PID1: variants seen among roughly 807,000 people sequenced by gnomAD.
The protein encoded by PID1 is PTB-containing, cubilin and LRP1-interacting protein.
PID1 carries 10 observed loss-of-function variants against 19.1 expected under a neutral mutation model. The observed-to-expected ratio is 0.52, with a 90% CI of 0.32 to 0.89. The LOEUF (loss-of-function observed/expected upper bound fraction) is 0.89. PID1 is among the 40% of genes least tolerant of loss of function. The pLI is 0.03. For missense variants in PID1, 248 were observed against 285.3 expected (o/e 0.87, Z 0.94); for synonymous variants, 130 against 116.0 (o/e 1.12, Z -0.78).
At chr2:229,046,471 C>T (rs1434139096) in intron 2 of PID1, among the ~76,000 whole-genome samples, 1 of 151,360 alleles carries the variant, frequency 6.6e-6, no homozygotes, top group African/African-American at 2.4e-5. Context: ...AACAGCTCTT[C>T]TTTTTGGAGA....
In PID1 at chr2:229,271,261, G is replaced by T; in HGVS notation, c.-218C>A. ...TTGTGGGCACGGCCGCGCGCCGGCT[G>T]TCCTGGCGCAGCTGCGAGAGGACTG... On this transcript the variant is annotated 5_prime_UTR_variant, in exon 1 of 3. Coordinates refer to ENST00000392055, the MANE Select transcript of PID1 (RefSeq NM_001100818.2). 2.4e-6 allele frequency: 1 copy of T among 411,812 alleles called. No individual in the cohort carries two copies. Among genetic ancestry groups the T allele is most frequent in the South Asian group, 3.7e-5 (1 of 27,316 alleles). The allele number at this position is 411,812 out of a possible 1,614,324, so 25.5% of individuals were successfully genotyped here.
chr2:229,253,402 A>G (rs938855374), intron 1 of PID1, among the ~76,000 whole-genome samples: 5 of 152,142 alleles, frequency 3.3e-5, no homozygotes, highest in East Asian at 1.9e-4. Flanking sequence ...CAAGTTATAA[A>G]AATCTTAAGA....
At chr2:229,120,009 C>T (rs914582926) in intron 2 of PID1, among the ~76,000 whole-genome samples, 2 of 152,188 alleles carry the variant, frequency 1.3e-5, no homozygotes, top group African/African-American at 4.8e-5. Context: ...GCTCCCAGAC[C>T]TACAAACTAC....
At chr2:229,058,593 G>A (rs1417284528) in intron 2 of PID1, among the ~76,000 whole-genome samples, 1 of 152,112 alleles carries the variant, frequency 6.6e-6, no homozygotes, top group Non-Finnish European at 1.5e-5. Context: ...TGAAACTACA[G>A]CTCTTGGCCA....
chr2:229,255,050 T>C (rs1240957442), intron 1 of PID1, among the ~76,000 whole-genome samples: 1 of 152,176 alleles, frequency 6.6e-6, no homozygotes, highest in Non-Finnish European at 1.5e-5. Context: ...TTTCAAATAG[T>C]TATCAATAGA....
intron 2 of PID1, among the ~76,000 whole-genome samples, chr2:229,142,800 G>T (rs1235235509): frequency 6.6e-6 from 1 of 152,066 alleles, no homozygotes; most frequent in Non-Finnish European, 1.5e-5. Flanking sequence ...ATTCCTCAGG[G>T]ATCTAGAACT....
intron 1 of PID1, among the ~76,000 whole-genome samples, chr2:229,179,466 C>T (rs1368826729): frequency 3.3e-5 from 5 of 151,734 alleles, no homozygotes; most frequent in African/African-American, 1.2e-4. Flanking sequence ...AACAGGAACA[C>T]CAAAAAGAAA....
intron 2 of PID1, among the ~76,000 whole-genome samples, chr2:229,047,451 C>T (rs1204059200): frequency 6.6e-6 from 1 of 152,000 alleles, no homozygotes; most frequent in African/African-American, 2.4e-5. Context: ...AAGTAATGAT[C>T]TAATTAGAAA....
chr2:229,119,468 T>C (rs1695474921), intron 2 of PID1, among the ~76,000 whole-genome samples: 1 of 152,222 alleles, frequency 6.6e-6, no homozygotes, highest in South Asian at 2.1e-4. Flanking sequence ...ATAATTCAAA[T>C]GCTTTACCTC....
chr2:229,231,878 C>T, intron 1 of PID1: 4 of 1,549,014 alleles, frequency 2.6e-6, no homozygotes, highest in East Asian at 2.4e-5. Context: ...TAACGAAATA[C>T]CACAGAGTAG....
At chr2:229,151,870 A>C (rs1210778165) in intron 2 of PID1, among the ~76,000 whole-genome samples, 1 of 151,274 alleles carries the variant, frequency 6.6e-6, no homozygotes, top group Non-Finnish European at 1.5e-5. Flanking sequence ...GCGCCCAGCT[A>C]TTTTTTTTTA....
At chr2:229,129,287 G>A (rs1010030191) in intron 2 of PID1, among the ~76,000 whole-genome samples, 13 of 152,036 alleles carry the variant, frequency 8.6e-5, no homozygotes, top group South Asian at 4.2e-4. Flanking sequence ...GGTGGCGGGC[G>A]CCTGTAGTCC....
intron 2 of PID1, among the ~76,000 whole-genome samples, chr2:229,093,975 G>A (rs1328360776): frequency 2.0e-5 from 3 of 152,070 alleles, no homozygotes; most frequent in African/African-American, 7.2e-5. Flanking sequence ...GCCAGAGAAA[G>A]AAATAAAAGG....
chr2:229,039,450 G>C (rs913545542), intron 2 of PID1, among the ~76,000 whole-genome samples: 1 of 152,156 alleles, frequency 6.6e-6, no homozygotes, highest in Admixed American at 6.6e-5. Flanking sequence ...ACATCTAAAA[G>C]AGCCATGTAG....
intron 2 of PID1, among the ~76,000 whole-genome samples, chr2:229,125,266 T>C (rs1574648578): frequency 6.6e-6 from 1 of 152,174 alleles, no homozygotes; most frequent in South Asian, 2.1e-4. Context: ...GGTCTCAGAG[T>C]AGAAATGACA....
At chr2:229,169,682 C>T (rs1054615703) in intron 1 of PID1, among the ~76,000 whole-genome samples, 3 of 152,160 alleles carry the variant, frequency 2.0e-5, no homozygotes, top group African/African-American at 4.8e-5. Flanking sequence ...TGAATACTGA[C>T]TATCTGGTTG....
intron 1 of PID1, among the ~76,000 whole-genome samples, chr2:229,156,673 G>T (rs888402528): frequency 6.6e-6 from 1 of 152,084 alleles, no homozygotes; most frequent in Non-Finnish European, 1.5e-5. Flanking sequence ...CCTATACAGA[G>T]AATTGCCCCA....
At chr2:229,026,201 T>C (rs1257918031) in intron 2 of PID1, 93 bp from the exon 3 acceptor site, 2 of 829,964 alleles carry the variant, frequency 2.4e-6, no homozygotes, top group Admixed American at 2.1e-5. Context: ...ACAGTCATGG[T>C]GTCACATTGG....
intron 2 of PID1, among the ~76,000 whole-genome samples, chr2:229,131,926 T>C (rs1022114060): frequency 6.6e-6 from 1 of 152,194 alleles, no homozygotes; most frequent in African/African-American, 2.4e-5. Flanking sequence ...TCTAGTACTA[T>C]CATCCTTCTG....
Sources: allele counts gnomAD v4.1 joint callset (sites outside exome capture counted in the v4.1 genomes callset), GRCh38; gene constraint gnomAD v4.1.1; transcripts MANE v1.5; gene names NCBI Gene and HGNC (gene_info 2026-07-23, HGNC 2026-07-21).